NAALADL2: variants seen among roughly 807,000 people sequenced by gnomAD.
The protein encoded by NAALADL2 is N-acetylated alpha-linked acidic dipeptidase like 2.
In NAALADL2, 76 loss-of-function variants were observed where a neutral mutation model predicts 87.2. That is an observed-to-expected ratio of 0.87 (90% CI 0.72 to 1.05). NAALADL2 has a LOEUF of 1.05. NAALADL2 is among the 50% of genes least tolerant of loss of function. The pLI is 0.00. For synonymous variants in NAALADL2, 354 were observed against 331.0 expected (o/e 1.07, Z -0.75); for missense variants, 1,089 against 945.8 (o/e 1.15, Z -1.99).
At chr3:174,593,058 C>T (rs1296195882) in intron 2 of NAALADL2, among the ~76,000 whole-genome samples, 2 of 152,090 alleles carry the variant, frequency 1.3e-5, no homozygotes, top group Non-Finnish European at 2.9e-5. Flanking sequence ...GGAGACTATT[C>T]AGACTCACTG....
chr3:175,440,329 G>A (rs1719518012), intron 5 of NAALADL2, among the ~76,000 whole-genome samples: 1 of 152,100 alleles, frequency 6.6e-6, no homozygotes, highest in South Asian at 2.1e-4. Context: ...AATGCCTCCA[G>A]ATTTGTTCTT....
At chr3:175,648,727 ATAT>A (rs1443349569) in intron 11 of NAALADL2, among the ~76,000 whole-genome samples, 5 of 152,158 alleles carry the variant, frequency 3.3e-5, no homozygotes, top group Non-Finnish European at 7.4e-5. Flanking sequence ...TATTTTTAAA[ATAT>A]TATTGCTGAA....
In NAALADL2 at chr3:175,311,624, C is replaced by T. The variant is rs973466339; in HGVS notation, c.940-12551C>T. Among the ~76,000 whole-genome samples, 5 of 150,714 alleles carry T rather than the reference C, an allele frequency of 3.3e-5. No individual in the cohort carries two copies. In the East Asian group the frequency reaches 9.8e-4, roughly 29 times the overall value. On this transcript the variant is annotated intron_variant, in intron 4 of 13. Transcript: ENST00000454872. The stretch of plus-strand genomic sequence containing the variant: ...CCCACCCTCTTTCCTTCCTTCTTCC[C>T]TCCCTCCCTTTATCCCTTCCTCTCT...
chr3:174,910,162 A>G (rs760800290), intron 1 of NAALADL2, among the ~76,000 whole-genome samples: 6 of 151,214 alleles, frequency 4.0e-5, no homozygotes, highest in Non-Finnish European at 7.4e-5. Context: ...AATAGTTTAT[A>G]TACATATATA....
At chr3:175,544,378 C>A (rs1311669093) in intron 9 of NAALADL2, among the ~76,000 whole-genome samples, 3 of 152,040 alleles carry the variant, frequency 2.0e-5, no homozygotes, top group Non-Finnish European at 4.4e-5. Flanking sequence ...TTTTCTGGAA[C>A]AAATAGCTAA....
At chr3:174,653,022 C>T (rs1428485966) in intron 2 of NAALADL2, among the ~76,000 whole-genome samples, 1 of 152,156 alleles carries the variant, frequency 6.6e-6, no homozygotes, top group East Asian at 1.9e-4. Context: ...ACACTACACA[C>T]TAACTGTAAT....
intron 3 of NAALADL2, among the ~76,000 whole-genome samples, chr3:174,758,559 T>C (rs922647701): frequency 6.6e-6 from 1 of 152,208 alleles, no homozygotes. Flanking sequence ...GGATGAGTGC[T>C]TGTGAAAGGG....
chr3:174,837,458 C>T (rs921529349), intron 3 of NAALADL2, among the ~76,000 whole-genome samples: 1 of 152,078 alleles, frequency 6.6e-6, no homozygotes, highest in Non-Finnish European at 1.5e-5. Flanking sequence ...ATCAGGTGCC[C>T]TGAATAGACC....
intron 1 of NAALADL2, among the ~76,000 whole-genome samples, chr3:174,981,926 C>T (rs1242483143): frequency 1.3e-5 from 2 of 152,156 alleles, no homozygotes; most frequent in Middle Eastern, 3.2e-3. Context: ...GCGGCTCCTC[C>T]CTGCTTCCTT....
intron 2 of NAALADL2, among the ~76,000 whole-genome samples, chr3:175,225,130 T>G (rs1375405766): frequency 6.6e-6 from 1 of 152,200 alleles, no homozygotes; most frequent in Non-Finnish European, 1.5e-5. Flanking sequence ...CATTATAATT[T>G]ATTGTTCTGG....
intron 2 of NAALADL2, among the ~76,000 whole-genome samples, chr3:174,670,756 C>T (rs1054342883): frequency 2.6e-5 from 4 of 151,814 alleles, no homozygotes; most frequent in African/African-American, 9.7e-5. Context: ...TCATTTTGTC[C>T]CTTTGTTTAG....
intron 10 of NAALADL2, among the ~76,000 whole-genome samples, chr3:175,590,771 C>T (rs937038138): frequency 5.9e-5 from 9 of 151,958 alleles, no homozygotes; most frequent in East Asian, 1.9e-4. Flanking sequence ...ATAGAAGTTC[C>T]GAAAAGGGTG....
chr3:175,050,324 G>A (rs764304117), intron 1 of NAALADL2, among the ~76,000 whole-genome samples: 1 of 150,934 alleles, frequency 6.6e-6, no homozygotes. Flanking sequence ...GTGCAGTGGC[G>A]TGATCTCAGC....
At chr3:175,220,179 T>C (rs1369746457) in intron 2 of NAALADL2, among the ~76,000 whole-genome samples, 1 of 145,212 alleles carries the variant, frequency 6.9e-6, no homozygotes, top group Admixed American at 7.3e-5. Flanking sequence ...TATTTGATGA[T>C]AATTTTTCTT....
At chr3:175,014,127 T>A (rs1015201806) in intron 1 of NAALADL2, among the ~76,000 whole-genome samples, 1 of 150,748 alleles carries the variant, frequency 6.6e-6, no homozygotes, top group South Asian at 2.1e-4. Flanking sequence ...TAATGGCGGG[T>A]GTCCATATTA....
chr3:175,072,591 C>G (rs1343016835), intron 1 of NAALADL2, among the ~76,000 whole-genome samples: 2 of 147,990 alleles, frequency 1.4e-5, no homozygotes, highest in Non-Finnish European at 3.0e-5. Flanking sequence ...ACAGACATTA[C>G]TACTAGACTT....
rs369521732 is a variant in NAALADL2, at chr3:175,679,147, A to G, written c.1896+51761A>G. Among the ~76,000 whole-genome samples the G allele has an allele frequency of 2.7e-4, 41 of 152,132 alleles. No individual in the cohort carries two copies. In the South Asian group the frequency reaches 8.3e-3, roughly 31 times the overall value. On this transcript the variant is annotated intron_variant, in intron 11 of 13. Transcript: ENST00000454872. Reference sequence around the variant, plus strand: ...TCATCAGTTAAGGCAGGAATAGGCCATTTTCACTTCTTTTGTGATTCTTCA... The same window carrying G: ...TCATCAGTTAAGGCAGGAATAGGCCGTTTTCACTTCTTTTGTGATTCTTCA...
intron 2 of NAALADL2, among the ~76,000 whole-genome samples, chr3:174,723,236 T>C (rs1395108198): frequency 1.3e-5 from 2 of 152,056 alleles, no homozygotes; most frequent in Non-Finnish European, 2.9e-5. Flanking sequence ...ATTTCCTAAT[T>C]CCTAAAGGTG....
At chr3:175,378,065 C>T (rs114663276) in intron 5 of NAALADL2, among the ~76,000 whole-genome samples, 2,619 of 152,276 alleles carry the variant, frequency 0.017, 75 homozygotes, top group African/African-American at 0.059. Context: ...ACACTTAAGC[C>T]GTCCACAGAT....
Sources: allele counts gnomAD v4.1 joint callset (sites outside exome capture counted in the v4.1 genomes callset), GRCh38; gene constraint gnomAD v4.1.1; transcripts MANE v1.5; gene names NCBI Gene and HGNC (gene_info 2026-07-23, HGNC 2026-07-21).